Variants in NHS observed in about 807,000 individuals in gnomAD.
The protein encoded by NHS is actin remodeling regulator NHS.
NHS carries 5 observed loss-of-function variants against 72.5 expected under a neutral mutation model. That is an observed-to-expected ratio of 0.07 (90% CI 0.04 to 0.14). The LOEUF (loss-of-function observed/expected upper bound fraction) is 0.14. Ranked by LOEUF, NHS falls within the 10% of genes least tolerant of loss-of-function variation. NHS has a pLI of 1.00. For missense variants in NHS, 1,072 were observed against 1,355.7 expected (o/e 0.79, Z 3.29); for synonymous variants, 464 against 547.7 (o/e 0.85, Z 2.13).
chrX:17,651,706 T>G (rs1447183185), intron 1 of NHS, among the ~76,000 whole-genome samples: 2 of 112,397 alleles, frequency 1.8e-5, no homozygotes, highest in African/African-American at 6.5e-5. Context: ...GTTAGAGGGC[T>G]GTACCTAACT....
At position 17,429,260 on chromosome X, in the gene NHS, A is replaced by G. The variant is rs757457472; in HGVS notation, c.565+52938A>G. Among the ~76,000 whole-genome samples, 81 of 99,991 alleles carry G rather than the reference A, an allele frequency of 8.1e-4. 1 individual carries two copies. The highest frequency in any genetic ancestry group is 5.3e-3 in the Admixed American group (53 of 9,933). 86.8% of individuals were successfully genotyped at this position (99,991 alleles called of 115,157 possible). A position where few individuals can be genotyped will look rare whatever the true frequency, so the allele number is the denominator to read the frequency against. On this transcript the variant is annotated intron_variant, in intron 1 of 8. Transcript: ENST00000676302. ...TGTGTGTGTGTGTGTGTGTGTGTGCACACGTGCGCGCGCGCTATACAGATC... is the reference window on the plus strand; with the variant it reads ...TGTGTGTGTGTGTGTGTGTGTGTGCGCACGTGCGCGCGCGCTATACAGATC...
chrX:17,670,325 A>G (rs1455625490), intron 1 of NHS, among the ~76,000 whole-genome samples: 1 of 112,861 alleles, frequency 8.9e-6, no homozygotes, highest in Non-Finnish European at 1.9e-5. Flanking sequence ...CTTAAATAAA[A>G]TGAGATTCCC....
At chrX:17,585,750 A>G (rs182089692) in intron 1 of NHS, among the ~76,000 whole-genome samples, 11 of 106,110 alleles carry the variant, frequency 1.0e-4, no homozygotes, top group African/African-American at 4.0e-4. Context: ...AATAATAATA[A>G]TAATAATAAT....
chrX:17,401,680 CA>C (rs2146852609), intron 1 of NHS, among the ~76,000 whole-genome samples: 1 of 111,854 alleles, frequency 8.9e-6, no homozygotes, highest in East Asian at 2.8e-4. Flanking sequence ...TGGTGGTTGC[CA>C]GAAATTCTTG....
intron 1 of NHS, among the ~76,000 whole-genome samples, chrX:17,539,180 T>G (rs768487552): frequency 8.9e-6 from 1 of 111,843 alleles, no homozygotes; most frequent in East Asian, 2.9e-4. Flanking sequence ...CTGCCTGGAA[T>G]GCTTTCCCCT....
intron 1 of NHS, among the ~76,000 whole-genome samples, chrX:17,601,645 T>C (rs1366585362): frequency 1.8e-5 from 2 of 111,809 alleles, no homozygotes; most frequent in Non-Finnish European, 3.8e-5. Flanking sequence ...TAGGAAATCT[T>C]GTGTGGAAAT....
intron 5 of NHS, among the ~76,000 whole-genome samples, chrX:17,723,770 TGCGCGC>T (rs1556037732): frequency 2.2e-5 from 2 of 91,335 alleles, no homozygotes; most frequent in Non-Finnish European, 4.1e-5. Context: ...TGTGTGTGTG[TGCGCGC>T]GCGTGCGCGC....
intron 1 of NHS, among the ~76,000 whole-genome samples, chrX:17,556,565 A>G (rs1285868915): frequency 3.5e-5 from 4 of 113,027 alleles, no homozygotes; most frequent in South Asian, 3.6e-4. Context: ...ACTTAGCTCT[A>G]TAAAGTAGTT....
intron 1 of NHS, among the ~76,000 whole-genome samples, chrX:17,610,725 A>C (rs1319362291): frequency 8.9e-6 from 1 of 112,624 alleles, no homozygotes; most frequent in Non-Finnish European, 1.9e-5. Context: ...CTCATGAATC[A>C]TTCACAGGAT....
At chrX:17,463,154 C>T (rs2064855728) in intron 1 of NHS, among the ~76,000 whole-genome samples, 1 of 112,002 alleles carries the variant, frequency 8.9e-6, no homozygotes, top group Admixed American at 9.4e-5. Flanking sequence ...TTAAAATGGA[C>T]TTAAGTAAAA....
At chrX:17,656,219 G>A (rs1055268029) in intron 1 of NHS, among the ~76,000 whole-genome samples, 4 of 113,045 alleles carry the variant, frequency 3.5e-5, no homozygotes, top group African/African-American at 9.6e-5. Flanking sequence ...CGGGCGGTAG[G>A]ATTTCTGCAC....
chrX:17,576,298 T>C (rs746781716), intron 1 of NHS, among the ~76,000 whole-genome samples: 1 of 112,141 alleles, frequency 8.9e-6, no homozygotes, highest in Admixed American at 9.4e-5. Flanking sequence ...GTTAATTTCT[T>C]CTTTGTATGA....
intron 1 of NHS, among the ~76,000 whole-genome samples, chrX:17,415,231 T>A (rs1375737945): frequency 9.0e-6 from 1 of 111,535 alleles, no homozygotes; most frequent in Non-Finnish European, 1.9e-5. Flanking sequence ...TATTTGTTTT[T>A]CCTAAGTGCA....
intron 1 of NHS, among the ~76,000 whole-genome samples, chrX:17,592,289 T>G (rs1049115451): frequency 1.8e-5 from 2 of 111,660 alleles, no homozygotes; most frequent in Admixed American, 1.9e-4. Context: ...CTCATTTGGG[T>G]CCTTAGACTC....
chrX:17,637,089 A>G (rs1240503422), intron 1 of NHS, among the ~76,000 whole-genome samples: 1 of 111,628 alleles, frequency 9.0e-6, no homozygotes, highest in African/African-American at 3.3e-5. Flanking sequence ...TAAGAACTGC[A>G]CTTCCACCCA....
At chrX:17,394,924 C>A (rs1342959086) in intron 1 of NHS, among the ~76,000 whole-genome samples, 1 of 111,541 alleles carries the variant, frequency 9.0e-6, no homozygotes, top group African/African-American at 3.3e-5. Flanking sequence ...CCTCAAAATT[C>A]TGTGATGGAA....
At chrX:17,664,654 T>C (rs1026649642) in intron 1 of NHS, among the ~76,000 whole-genome samples, 1 of 112,307 alleles carries the variant, frequency 8.9e-6, no homozygotes. Context: ...CCTCCAAATT[T>C]GTTCTCTGTC....
chrX:17,570,988 G>A (rs761082758), intron 1 of NHS, among the ~76,000 whole-genome samples: 131 of 112,351 alleles, frequency 1.2e-3, no homozygotes, highest in Non-Finnish European at 2.1e-3. Context: ...ATTTGCATAT[G>A]TTGAACCAGC....
rs920374711 is a variant in NHS at position 17,683,101 on chromosome X, T to A, written c.566-4641T>A. ...ATCTTGACAATTCCATTATCTCCAG[T>A]GTTTGACAGGGGAATGAACTAAGAT... On this transcript the variant is annotated intron_variant, in intron 1 of 8. Transcript: ENST00000676302. Among the ~76,000 whole-genome samples, 5 of 112,217 alleles carry A rather than the reference T, an allele frequency of 4.5e-5. No individual in the cohort carries two copies. The Admixed American group carries it at 4.7e-4, about 11-fold the overall frequency.
Sources: allele counts gnomAD v4.1 joint callset (sites outside exome capture counted in the v4.1 genomes callset), GRCh38; gene constraint gnomAD v4.1.1; transcripts MANE v1.5; gene names NCBI Gene and HGNC (gene_info 2026-07-23, HGNC 2026-07-21).